The following PRUNE2 variants were observed in gnomAD, a reference collection of about 807,000 sequenced individuals.
PRUNE2 encodes protein prune homolog 2.
In PRUNE2, 164 loss-of-function variants were observed where a neutral mutation model predicts 252.0. That is an observed-to-expected ratio of 0.65 (90% CI 0.57 to 0.74). The LOEUF is 0.74. Ranked by LOEUF, PRUNE2 falls within the 30% of genes least tolerant of loss-of-function variation. PRUNE2 has a pLI of 0.00. For synonymous variants in PRUNE2, 1,292 were observed against 1,350.2 expected, an observed-to-expected ratio of 0.96 and a Z score of 0.94; for missense variants, 3,495 against 3,711.0, an observed-to-expected ratio of 0.94 and a Z score of 1.51.
intron 9 of PRUNE2, chr9:76,692,209 C>T: frequency 1.4e-6 from 1 of 715,682 alleles, no homozygotes; most frequent in Admixed American, 2.0e-5. Flanking sequence ...ATCTCTGGCA[C>T]ATCTAAATAA....
chr9:76,675,928 G>T (rs1402865772), intron 9 of PRUNE2, among the ~76,000 whole-genome samples: 1 of 121,418 alleles, frequency 8.2e-6, no homozygotes, highest in Non-Finnish European at 1.7e-5. Context: ...GATGGAGGGA[G>T]GTGGGAGGGA....
chr9:76,884,319 T>C (rs2061964978), intron 1 of PRUNE2, among the ~76,000 whole-genome samples: 1 of 152,168 alleles, frequency 6.6e-6, no homozygotes, highest in Non-Finnish European at 1.5e-5. Flanking sequence ...TGGGTAAATT[T>C]AAACCCACAC....
At chr9:76,693,293 G>A (rs1588632259) in intron 9 of PRUNE2, among the ~76,000 whole-genome samples, 1 of 151,092 alleles carries the variant, frequency 6.6e-6, no homozygotes, top group African/African-American at 2.4e-5. Context: ...TTGATGGGGG[G>A]GGCAGGTGAG....
intron 9 of PRUNE2, among the ~76,000 whole-genome samples, chr9:76,673,929 C>G (rs2042023118): frequency 6.6e-6 from 1 of 152,024 alleles, no homozygotes; most frequent in Non-Finnish European, 1.5e-5. Flanking sequence ...CTATCTATGA[C>G]AAACCCACAG....
At chr9:76,664,957 T>TGGCCATCCAATC (rs2039840668) in intron 9 of PRUNE2, among the ~76,000 whole-genome samples, 1 of 152,174 alleles carries the variant, frequency 6.6e-6, no homozygotes, top group Non-Finnish European at 1.5e-5. Flanking sequence ...CTCATCCAGT[T>TGGCCATCCAATC]GGCCATCCAA....
At chr9:76,857,221 C>G (rs1004769139) in intron 1 of PRUNE2, 9 of 441,538 alleles carry the variant, frequency 2.0e-5, no homozygotes, top group Admixed American at 2.0e-4. Context: ...CCCTCCACCC[C>G]CATCCATCAA....
intron 6 of PRUNE2, among the ~76,000 whole-genome samples, chr9:76,788,999 C>T (rs575614135): frequency 4.6e-5 from 7 of 152,270 alleles, no homozygotes; most frequent in African/African-American, 1.7e-4. Flanking sequence ...AGGGAAGACT[C>T]GTGGGAGGGA....
intron 1 of PRUNE2, among the ~76,000 whole-genome samples, chr9:76,888,021 A>C (rs1350234005): frequency 6.6e-6 from 1 of 152,232 alleles, no homozygotes; most frequent in African/African-American, 2.4e-5. Flanking sequence ...GTTAAGGGAA[A>C]AGGAATAGAA....
At chr9:76,782,217 A>T (rs900577062) in intron 6 of PRUNE2, among the ~76,000 whole-genome samples, 1 of 150,104 alleles carries the variant, frequency 6.7e-6, no homozygotes, top group Admixed American at 6.6e-5. Context: ...CCATCTCAAA[A>T]AAAGAAAAAA....
chr9:76,727,652 T>C (rs2048217837), intron 6 of PRUNE2, among the ~76,000 whole-genome samples: 1 of 150,900 alleles, frequency 6.6e-6, no homozygotes, highest in African/African-American at 2.4e-5. Flanking sequence ...CTTCTTTTTT[T>C]TTTTTTTTGT....
Position 76,705,335 on chromosome 9 carries a change from CGTGGATGTGTT to C in PRUNE2, c.6928_6938del (p.Asn2310GlyfsTer5). 1 of 1,613,964 alleles carries C rather than the reference CGTGGATGTGTT, an allele frequency of 6.2e-7. No individual in the cohort carries two copies. The highest frequency in any genetic ancestry group is 1.1e-5 in the South Asian group (1 of 91,074). Reference sequence around the variant, plus strand: ...GTTTACTCATGTCATCTATTGTTCCCGTGGATGTGTTGAGACCTGAGGCATCGCTGAAACTG... The same window carrying C: ...GTTTACTCATGTCATCTATTGTTCCCGAGACCTGAGGCATCGCTGAAACTG... On this transcript the variant is annotated frameshift_variant, in exon 8 of 19. Coordinates refer to ENST00000376718, the MANE Select transcript of PRUNE2 (RefSeq NM_015225.3). LOFTEE classifies it high-confidence loss of function.
At chr9:76,763,686 T>C (rs764369777) in intron 6 of PRUNE2, among the ~76,000 whole-genome samples, 1 of 152,144 alleles carries the variant, frequency 6.6e-6, no homozygotes, top group Non-Finnish European at 1.5e-5. Context: ...TGGTGGATAC[T>C]GCAGAAGAGC....
rs1007786770 is a variant in PRUNE2 at position 76,638,230 on chromosome 9, G to A, written c.8787C>T (p.Asp2929=). ...CATAGTGGTAATCCGCCCGACTGCTGTCTGGCAGAAAACAGGCGGCAAACA... is the reference window on the plus strand; with the variant it reads ...CATAGTGGTAATCCGCCCGACTGCTATCTGGCAGAAAACAGGCGGCAAACA... The part of the protein sequence containing the change: ...IIVFAACFLP[D]SSRADYHYVM... Residue 2929 remains aspartate, a synonymous_variant, in exon 13 of 19, where the codon GAC becomes GAT. Coordinates refer to ENST00000376718, the MANE Select transcript of PRUNE2 (RefSeq NM_015225.3). 49 of 1,613,718 alleles carry A rather than the reference G, an allele frequency of 3.0e-5. No individual in the cohort carries two copies. Among genetic ancestry groups the A allele is most frequent in the Non-Finnish European group, 4.1e-5 (48 of 1,179,788 alleles).
At chr9:76,763,009 C>T (rs183474838) in intron 6 of PRUNE2, among the ~76,000 whole-genome samples, 21 of 152,350 alleles carry the variant, frequency 1.4e-4, no homozygotes, top group African/African-American at 5.1e-4. Context: ...TTCTGAGACA[C>T]ATCCTCTACC....
intron 6 of PRUNE2, among the ~76,000 whole-genome samples, chr9:76,802,119 T>A (rs1315637343): frequency 6.6e-6 from 1 of 152,140 alleles, no homozygotes; most frequent in Non-Finnish European, 1.5e-5. Flanking sequence ...GTTTTATTTT[T>A]AAACACAATT....
chr9:76,754,999 CAAAA>C (rs2050998936), intron 6 of PRUNE2, among the ~76,000 whole-genome samples: 1 of 124,716 alleles, frequency 8.0e-6, no homozygotes, highest in Non-Finnish European at 1.8e-5. Context: ...CCCAAAAAAA[CAAAA>C]GCAAAAACAA....
At chr9:76,665,328 C>T (rs1328554936) in intron 9 of PRUNE2, among the ~76,000 whole-genome samples, 2 of 152,108 alleles carry the variant, frequency 1.3e-5, no homozygotes, top group Non-Finnish European at 2.9e-5. Flanking sequence ...CCTGGAACCT[C>T]GCCTCCATCC....
chr9:76,732,508 G>C (rs1181431514), intron 6 of PRUNE2, among the ~76,000 whole-genome samples: 1 of 152,078 alleles, frequency 6.6e-6, no homozygotes, highest in Non-Finnish European at 1.5e-5. Context: ...TCTAACTTTA[G>C]AATCAAGCAA....
At chr9:76,818,064 G>A (rs2057801917) in intron 6 of PRUNE2, among the ~76,000 whole-genome samples, 2 of 152,146 alleles carry the variant, frequency 1.3e-5, no homozygotes, top group Non-Finnish European at 1.5e-5. Flanking sequence ...ATTTACTAGT[G>A]ATTTGCTGAC....
Sources: allele counts gnomAD v4.1 joint callset (sites outside exome capture counted in the v4.1 genomes callset), GRCh38; gene constraint gnomAD v4.1.1; transcripts MANE v1.5; gene names NCBI Gene and HGNC (gene_info 2026-07-23, HGNC 2026-07-21).